Variants in DOCK3 observed in about 807,000 individuals in gnomAD.
DOCK3 encodes dedicator of cytokinesis protein 3.
DOCK3 carries 60 observed loss-of-function variants against 265.6 expected under a neutral mutation model. The ratio of observed to expected loss-of-function variants is 0.23; its 90% CI spans 0.18 to 0.28. The LOEUF is 0.28. Among genes scored for constraint, DOCK3 ranks in the 10% least tolerant of loss-of-function variants. The probability of loss-of-function intolerance (pLI) is 1.00; values close to 1 mark genes in which losing one functional copy is unlikely to be tolerated. For missense variants in DOCK3, 1,981 were observed against 2,594.3 expected (o/e 0.76, Z 5.14); for synonymous variants, 881 against 938.0 (o/e 0.94, Z 1.11).
At chr3:50,961,688 T>C (rs533844769) in intron 5 of DOCK3, among the ~76,000 whole-genome samples, 64 of 152,318 alleles carry the variant, frequency 4.2e-4, no homozygotes, top group African/African-American at 1.4e-3. Flanking sequence ...ACCTTATTTC[T>C]CTAAAGGTTA....
intron 2 of DOCK3, among the ~76,000 whole-genome samples, chr3:50,788,448 A>T (rs1478574430): frequency 6.6e-6 from 1 of 152,276 alleles, no homozygotes; most frequent in East Asian, 1.9e-4. Context: ...GCACCAAAGC[A>T]TAAGTCAAAA....
intron 5 of DOCK3, among the ~76,000 whole-genome samples, chr3:51,009,984 A>C (rs2078875198): frequency 6.6e-6 from 1 of 152,180 alleles, no homozygotes. Flanking sequence ...TCTGAGAGAC[A>C]GTTTGTTATA....
At chr3:51,161,782 A>G (rs2086153877) in intron 12 of DOCK3, among the ~76,000 whole-genome samples, 1 of 152,170 alleles carries the variant, frequency 6.6e-6, no homozygotes, top group Non-Finnish European at 1.5e-5. Context: ...CATGAGTCGA[A>G]TTTCTCTATC....
chr3:51,369,634 TGAAGCCCACAGTAGGAGTGATGGAGA>T (rs1300390521), intron 49 of DOCK3, among the ~76,000 whole-genome samples: 131 of 151,752 alleles, frequency 8.6e-4, no homozygotes, highest in East Asian at 2.7e-3. Flanking sequence ...CACAAACCCA[TGAAGCCCACAGTAGGAGTGATGGAGA>T]GAAGCCCACA....
intron 3 of DOCK3, among the ~76,000 whole-genome samples, chr3:50,866,823 G>A (rs1305767010): frequency 1.3e-5 from 2 of 152,000 alleles, no homozygotes; most frequent in African/African-American, 2.4e-5. Flanking sequence ...TGCTCTTTTG[G>A]TTACTATAGC....
At chr3:51,252,045 G>A (rs1313971004) in intron 22 of DOCK3, among the ~76,000 whole-genome samples, 1 of 152,182 alleles carries the variant, frequency 6.6e-6, no homozygotes, top group Admixed American at 6.5e-5. Flanking sequence ...TGTATAAGGT[G>A]TAAGGAAGGG....
At chr3:51,126,623 C>T (rs1487714498) in intron 9 of DOCK3, among the ~76,000 whole-genome samples, 2 of 152,182 alleles carry the variant, frequency 1.3e-5, no homozygotes, top group Admixed American at 6.5e-5. Context: ...GCCTTGCCCC[C>T]ATTTATTCAT....
chr3:51,239,581 G>A, intron 21 of DOCK3, among the ~76,000 whole-genome samples: 1 of 130,814 alleles, frequency 7.6e-6, no homozygotes, highest in South Asian at 2.6e-4. Context: ...TTTGTTTTTT[G>A]TTTTTTTTGT....
chr3:51,362,467 G>T, intron 48 of DOCK3, 60 bp from the exon 49 acceptor site: 1 of 1,609,092 alleles, frequency 6.2e-7, no homozygotes. Context: ...CAAACTCTGT[G>T]CCAGCCCTAA....
chr3:51,164,909 G>A (rs543329020), intron 12 of DOCK3, among the ~76,000 whole-genome samples: 5 of 147,062 alleles, frequency 3.4e-5, no homozygotes, highest in Non-Finnish European at 4.5e-5. Context: ...TCCTATCCAC[G>A]AAACTGTCTT....
chr3:50,930,695 T>A (rs2051015609), intron 4 of DOCK3, among the ~76,000 whole-genome samples: 1 of 152,250 alleles, frequency 6.6e-6, no homozygotes, highest in Admixed American at 6.5e-5. Flanking sequence ...TGGGAGTGGA[T>A]CACAGGCCTC....
At chr3:51,201,413 C>A (rs1326554308) in intron 12 of DOCK3, among the ~76,000 whole-genome samples, 2 of 152,052 alleles carry the variant, frequency 1.3e-5, no homozygotes, top group African/African-American at 4.8e-5. Context: ...CAACAAAGAT[C>A]AAAAGAGACA....
At position 51,315,027 on chromosome 3, in the gene DOCK3, G is replaced by A; in HGVS notation, c.3301G>A (p.Gly1101Ser). The A allele has an allele frequency of 6.2e-7, 1 of 1,611,256 alleles. No homozygotes were observed. Among genetic ancestry groups the A allele is most frequent in the Non-Finnish European group, 8.5e-7 (1 of 1,178,290 alleles). Residue 1101 changes from glycine (G) to serine (S), a missense_variant, in exon 32 of 53, where the codon GGT becomes AGT. This residue lies in a region of DOCK3 where 1,357 missense variants were observed against 1,866.8 expected (regional missense o/e 0.73). Transcript: ENST00000266037. Reference sequence around the variant, plus strand: ...TCCGGGAATGATTGGTCCTTTTCTGGGTGTGACACTGGTCCCACAGCCAGA... The same window carrying A: ...TCCGGGAATGATTGGTCCTTTTCTGAGTGTGACACTGGTCCCACAGCCAGA... ...FIPGMIGPFL[G>S]VTLVPQPEVR...
chr3:51,009,124 G>C (rs2108751900), intron 5 of DOCK3, among the ~76,000 whole-genome samples: 1 of 152,130 alleles, frequency 6.6e-6, no homozygotes, highest in African/African-American at 2.4e-5. Context: ...GGATGATGCT[G>C]GCCTCATAAA....
At chr3:50,897,423 G>T (rs964448413) in intron 4 of DOCK3, among the ~76,000 whole-genome samples, 1 of 152,152 alleles carries the variant, frequency 6.6e-6, no homozygotes, top group African/African-American at 2.4e-5. Context: ...CATGTCATCT[G>T]CAAACAGAGA....
chr3:51,276,012 T>G (rs183283111), intron 25 of DOCK3, among the ~76,000 whole-genome samples: 270 of 152,302 alleles, frequency 1.8e-3, no homozygotes, highest in Middle Eastern at 0.01. Flanking sequence ...TTATACCATT[T>G]TATTAGGTTG....
intron 10 of DOCK3, among the ~76,000 whole-genome samples, chr3:51,148,755 A>G (rs531188595): frequency 1.3e-5 from 2 of 152,272 alleles, no homozygotes; most frequent in South Asian, 2.1e-4. Context: ...GCCTTGTAGT[A>G]TAGTTTGAAG....
At chr3:51,032,569 TTCAAAAAGCTCATGGA>T (rs2080094147) in intron 5 of DOCK3, among the ~76,000 whole-genome samples, 1 of 152,064 alleles carries the variant, frequency 6.6e-6, no homozygotes. Context: ...ATAAGGAGAC[TTCAAAAAGCTCATGGA>T]TAAATTTTTT....
chr3:50,723,803 T>G (rs1576238398), intron 1 of DOCK3, among the ~76,000 whole-genome samples: 2 of 151,394 alleles, frequency 1.3e-5, no homozygotes, highest in Non-Finnish European at 1.5e-5. Context: ...ACTTCATGAC[T>G]AAAACACCAA....
Sources: allele counts gnomAD v4.1 joint callset (sites outside exome capture counted in the v4.1 genomes callset), GRCh38; gene constraint gnomAD v4.1.1; regional missense constraint gnomAD v4.1.1; transcripts MANE v1.5; gene names NCBI Gene and HGNC (gene_info 2026-07-23, HGNC 2026-07-21).